SLC15A2: variants seen among roughly 807,000 people sequenced by gnomAD.
The protein encoded by SLC15A2 is kidney H(+)/peptide cotransporter.
A neutral mutation model predicts 95.5 loss-of-function variants in SLC15A2; 77 were observed. The observed-to-expected ratio is 0.81, with a 90% confidence interval of 0.67 to 0.97. The LOEUF is 0.97. Among genes scored for constraint, SLC15A2 ranks in the 50% least tolerant of loss-of-function variants. The pLI is 0.00. For missense variants in SLC15A2, 893 were observed against 874.4 expected, an observed-to-expected ratio of 1.02 and a Z score of -0.27; for synonymous variants, 306 against 306.9, an observed-to-expected ratio of 1.00 and a Z score of 0.03.
intron 20 of SLC15A2, among the ~76,000 whole-genome samples, chr3:121,939,871 C>T (rs983935478): frequency 9.2e-5 from 14 of 152,026 alleles, no homozygotes; most frequent in African/African-American, 2.2e-4. Context: ...CCAGCCTGAG[C>T]GACAGAGCGA....
At chr3:121,906,317 G>C in intron 3 of SLC15A2, among the ~76,000 whole-genome samples, 1 of 152,056 alleles carries the variant, frequency 6.6e-6, no homozygotes, top group East Asian at 1.9e-4. Context: ...TATCCAATTT[G>C]CCACTCTATG....
rs1369021054 is a variant in SLC15A2 at position 121,928,981 on chromosome 3, G to A, written c.1342-1G>A. ...TTCATTTTATATTCTTCATTTTACAGAAAACACCACACTATTCCAAACTGC... is the reference window on the plus strand; with the variant it reads ...TTCATTTTATATTCTTCATTTTACAAAAAACACCACACTATTCCAAACTGC... On this transcript the variant is annotated splice_acceptor_variant, in intron 15 of 21. Coordinates refer to ENST00000489711, the MANE Select transcript of SLC15A2 (RefSeq NM_021082.4). LOFTEE classifies it high-confidence loss of function. 8.7e-6 allele frequency: 14 copies of A among 1,613,392 alleles called. No homozygotes were observed. The highest frequency in any genetic ancestry group is 1.3e-5 in the African/African-American group (1 of 74,984).
At chr3:121,915,194 C>T (rs373565253) in intron 5 of SLC15A2, 33 bp from the exon 6 acceptor site, 3 of 1,505,222 alleles carry the variant, frequency 2.0e-6, no homozygotes, top group Non-Finnish European at 1.9e-6. Flanking sequence ...CTAGGGGACA[C>T]ATTGCACTGA....
intron 7 of SLC15A2, among the ~76,000 whole-genome samples, chr3:121,920,944 G>A (rs914368844): frequency 6.6e-6 from 1 of 152,184 alleles, no homozygotes; most frequent in Non-Finnish European, 1.5e-5. Context: ...AAGTGCATCT[G>A]GGAGGGAACC....
rs186149211 is a variant in SLC15A2 at position 121,911,915 on chromosome 3, C to T, written c.428+249C>T. ...TTGAAAATAATCAAAACCTTCATACCCTACATATTCCCTCACCTTTTTATT... is the reference window on the plus strand; with the variant it reads ...TTGAAAATAATCAAAACCTTCATACTCTACATATTCCCTCACCTTTTTATT... On this transcript the variant is annotated intron_variant, in intron 4 of 21. Coordinates refer to ENST00000489711, the MANE Select transcript of SLC15A2 (RefSeq NM_021082.4). 2.6e-5 allele frequency among the ~76,000 whole-genome samples: 4 copies of T among 152,162 alleles called. No homozygotes were observed. The East Asian group carries it at 7.7e-4, about 29-fold the overall frequency.
intron 3 of SLC15A2, among the ~76,000 whole-genome samples, chr3:121,902,372 T>C (rs1709536666): frequency 6.6e-6 from 1 of 152,152 alleles, no homozygotes; most frequent in Non-Finnish European, 1.5e-5. Context: ...TTTTATTTTT[T>C]ATTATACTTT....
intron 11 of SLC15A2, among the ~76,000 whole-genome samples, chr3:121,923,791 A>T (rs1710056117): frequency 2.0e-5 from 3 of 152,300 alleles, no homozygotes; most frequent in Admixed American, 2.0e-4. Flanking sequence ...TTCTTTTCCT[A>T]GATTAGTGTA....
chr3:121,920,889 A>G (rs765026430), intron 7 of SLC15A2, among the ~76,000 whole-genome samples: 1 of 152,230 alleles, frequency 6.6e-6, no homozygotes, highest in African/African-American at 2.4e-5. Context: ...CAGAGGATCT[A>G]CTAGAGGGGC....
chr3:121,902,524 G>A (rs1179629899), intron 3 of SLC15A2, among the ~76,000 whole-genome samples: 1 of 152,016 alleles, frequency 6.6e-6, no homozygotes, highest in Non-Finnish European at 1.5e-5. Flanking sequence ...TCCACCCCAT[G>A]ACAGGCCCCC....
In SLC15A2 at chr3:121,940,379, C is replaced by T; in HGVS notation, c.1909-5C>T. The T allele has an allele frequency of 6.2e-7, 1 of 1,612,594 alleles. No homozygotes were observed. The stretch of plus-strand genomic sequence containing the variant: ...TGTTTACTTTCAAACTTGTGTCATC[C>T]CCAGGCTCCCTCTAGCATGAAATCT... On this transcript the variant is annotated splice_polypyrimidine_tract_variant and splice_region_variant and intron_variant, in intron 20 of 21. Transcript: ENST00000489711.
At chr3:121,923,638 T>A (rs1710052573) in intron 11 of SLC15A2, among the ~76,000 whole-genome samples, 1 of 152,172 alleles carries the variant, frequency 6.6e-6, no homozygotes, top group Non-Finnish European at 1.5e-5. Context: ...TCAACAAGGA[T>A]CACAGCAGGG....
intron 3 of SLC15A2, among the ~76,000 whole-genome samples, chr3:121,897,870 T>G (rs1709448805): frequency 6.6e-6 from 1 of 152,176 alleles, no homozygotes; most frequent in African/African-American, 2.4e-5. Context: ...ACCAGCAAAT[T>G]TCTAATTTTA....
At chr3:121,922,364 A>G in intron 8 of SLC15A2, 62 bp downstream of exon 8, 1 of 1,327,662 alleles carries the variant, frequency 7.5e-7, no homozygotes, top group Non-Finnish European at 1.1e-6. Context: ...TATGCTGAGA[A>G]TATGGGCCTT....
intron 7 of SLC15A2, among the ~76,000 whole-genome samples, chr3:121,921,839 C>T (rs534150568): frequency 6.6e-6 from 1 of 152,040 alleles, no homozygotes; most frequent in Non-Finnish European, 1.5e-5. Context: ...GAAAGAGGAC[C>T]AATAAAACTT....
At chr3:121,913,344 G>A (rs1709812940) in intron 5 of SLC15A2, among the ~76,000 whole-genome samples, 1 of 152,212 alleles carries the variant, frequency 6.6e-6, no homozygotes, top group South Asian at 2.1e-4. Flanking sequence ...GTCTTATGAG[G>A]AAAGATTGAA....
At position 121,915,632 on chromosome 3, in the gene SLC15A2, T is replaced by C. The variant is rs778595918; in HGVS notation, c.636T>C (p.Phe212=). The change falls in exon 7 of 22, where the codon TTT becomes TTC. Residue 212 remains phenylalanine, a synonymous_variant. Transcript: ENST00000489711. The part of the protein sequence containing the change: ...TPMLRGDVQC[F]GEDCYALAFG... ...TTTCTTTAGGAGATGTGCAATGTTT[T>C]GGAGAAGACTGCTATGCATTGGCTT... is the stretch of plus-strand genomic sequence containing the variant. 8.7e-6 allele frequency: 14 copies of C among 1,613,794 alleles called. No homozygotes were observed. The East Asian group carries it at 2.7e-4, about 31-fold the overall frequency.
At chr3:121,919,268 G>A (rs544459046) in intron 7 of SLC15A2, among the ~76,000 whole-genome samples, 1 of 152,256 alleles carries the variant, frequency 6.6e-6, no homozygotes, top group African/African-American at 2.4e-5. Flanking sequence ...GCTGCCCAGG[G>A]GTGTCACAGC....
At chr3:121,934,076 T>C (rs1412850732) in intron 19 of SLC15A2, among the ~76,000 whole-genome samples, 1 of 151,742 alleles carries the variant, frequency 6.6e-6, no homozygotes, top group African/African-American at 2.4e-5. Flanking sequence ...TAGTTGTAGA[T>C]ATGTGGCATT....
intron 8 of SLC15A2, among the ~76,000 whole-genome samples, chr3:121,922,571 AT>A (rs1476886286): frequency 6.6e-6 from 1 of 152,110 alleles, no homozygotes; most frequent in African/African-American, 2.4e-5. Flanking sequence ...TTTTGTTGTT[AT>A]TTTTTGTTTT....
Sources: allele counts gnomAD v4.1 joint callset (sites outside exome capture counted in the v4.1 genomes callset), GRCh38; gene constraint gnomAD v4.1.1; transcripts MANE v1.5; gene names NCBI Gene and HGNC (gene_info 2026-07-23, HGNC 2026-07-21).